Variants in SPAG16 observed in about 807,000 individuals in gnomAD.
SPAG16 encodes the protein sperm associated antigen 16, also known as sperm-associated antigen 16 protein.
A neutral mutation model predicts 80.4 loss-of-function variants in SPAG16; 86 were observed. The ratio of observed to expected loss-of-function variants is 1.07; its 90% CI spans 0.90 to 1.28. The LOEUF is 1.28. Among genes scored for constraint, SPAG16 ranks in the 50% most tolerant of loss-of-function variants. SPAG16 has a pLI of 0.00. For synonymous variants in SPAG16, 294 were observed against 265.9 expected (o/e 1.11, Z -1.03); for missense variants, 870 against 765.3 (o/e 1.14, Z -1.61).
At chr2:214,047,281 A>G (rs1015695978) in intron 13 of SPAG16, among the ~76,000 whole-genome samples, 1 of 152,194 alleles carries the variant, frequency 6.6e-6, no homozygotes, top group Non-Finnish European at 1.5e-5. Context: ...CCTGACTTCA[A>G]ATTATGCTCC....
chr2:213,705,418 T>A (rs1444930775), intron 10 of SPAG16, among the ~76,000 whole-genome samples: 1 of 152,156 alleles, frequency 6.6e-6, no homozygotes, highest in African/African-American at 2.4e-5. Flanking sequence ...TTGGATGAGA[T>A]GGTTGCTAAA....
chr2:213,924,406 G>A (rs1015899098), intron 11 of SPAG16, among the ~76,000 whole-genome samples: 2 of 152,058 alleles, frequency 1.3e-5, no homozygotes, highest in Non-Finnish European at 2.9e-5. Flanking sequence ...GTTCTTCTGC[G>A]CCACATTGAT....
intron 15 of SPAG16, among the ~76,000 whole-genome samples, chr2:214,174,057 G>C (rs945290637): frequency 4.6e-5 from 7 of 151,978 alleles, no homozygotes; most frequent in Admixed American, 2.0e-4. Flanking sequence ...AATAAATACG[G>C]TATTGATGGG....
intron 15 of SPAG16, among the ~76,000 whole-genome samples, chr2:214,193,355 T>C (rs923484608): frequency 6.6e-6 from 1 of 151,318 alleles, no homozygotes; most frequent in Non-Finnish European, 1.5e-5. Flanking sequence ...TTAAGAGCTT[T>C]TGCTAAAATT....
intron 10 of SPAG16, among the ~76,000 whole-genome samples, chr2:213,850,145 C>A (rs970628124): frequency 6.6e-6 from 1 of 152,084 alleles, no homozygotes; most frequent in Admixed American, 6.5e-5. Context: ...TTGGAGTTTA[C>A]AAATTTCCTT....
chr2:214,114,397 T>C (rs1442798708), intron 14 of SPAG16, among the ~76,000 whole-genome samples: 2 of 152,232 alleles, frequency 1.3e-5, no homozygotes, highest in East Asian at 1.9e-4. Flanking sequence ...TCTGCAGAAG[T>C]TGTCTGCTGC....
chr2:214,134,125 G>A (rs2054924599), intron 14 of SPAG16, among the ~76,000 whole-genome samples: 1 of 152,190 alleles, frequency 6.6e-6, no homozygotes, highest in East Asian at 1.9e-4. Flanking sequence ...ACGACTCATA[G>A]TTTCTGACTG....
intron 15 of SPAG16, among the ~76,000 whole-genome samples, chr2:214,318,974 T>C (rs902618832): frequency 3.3e-5 from 5 of 152,170 alleles, no homozygotes; most frequent in African/African-American, 4.8e-5. Flanking sequence ...ACTTTTTACG[T>C]TATTTCTTCT....
In SPAG16 at chr2:213,983,769, G is replaced by C. The variant is rs145185572; in HGVS notation, c.1401-30182G>C. On this transcript the variant is annotated intron_variant, in intron 12 of 15. Coordinates refer to ENST00000331683, the MANE Select transcript of SPAG16 (RefSeq NM_024532.5). The stretch of plus-strand genomic sequence containing the variant: ...TATGTATTGTGTACCATCACAATAG[G>C]GGGTGTTGAAGAAGCCCATTACCTA... 2.5e-3 allele frequency among the ~76,000 whole-genome samples: 375 copies of C among 152,054 alleles called. 1 individual carries two copies. Among genetic ancestry groups the C allele is most frequent in the Non-Finnish European group, 4.5e-3 (309 of 67,934 alleles).
At chr2:213,416,281 G>GTC (rs1314597248) in intron 9 of SPAG16, among the ~76,000 whole-genome samples, 6 of 152,210 alleles carry the variant, frequency 3.9e-5, no homozygotes, top group African/African-American at 1.2e-4. Context: ...CATATGCATT[G>GTC]TCTGTGAGCT....
At chr2:213,479,432 T>G (rs75432701) in intron 9 of SPAG16, among the ~76,000 whole-genome samples, 3,533 of 152,268 alleles carry the variant, frequency 0.023, 57 homozygotes, top group South Asian at 0.038. Context: ...CAATATATTA[T>G]AAGCTACATG....
chr2:213,996,497 G>A (rs1406434697), intron 12 of SPAG16, among the ~76,000 whole-genome samples: 1 of 151,656 alleles, frequency 6.6e-6, no homozygotes, highest in Non-Finnish European at 1.5e-5. Flanking sequence ...ATATATCTTG[G>A]CCATTGAATC....
At chr2:214,372,823 A>G (rs1187973908) in intron 15 of SPAG16, among the ~76,000 whole-genome samples, 1 of 152,148 alleles carries the variant, frequency 6.6e-6, no homozygotes, top group Non-Finnish European at 1.5e-5. Flanking sequence ...ATCACTGTTC[A>G]CTTCCCCCCA....
intron 9 of SPAG16, among the ~76,000 whole-genome samples, chr2:213,486,017 T>C (rs1398770592): frequency 6.6e-6 from 1 of 152,166 alleles, no homozygotes; most frequent in Non-Finnish European, 1.5e-5. Flanking sequence ...ATTTGTAAAG[T>C]TCACATCAGT....
At chr2:213,336,415 C>T (rs2124919863) in intron 5 of SPAG16, among the ~76,000 whole-genome samples, 1 of 152,334 alleles carries the variant, frequency 6.6e-6, no homozygotes, top group Middle Eastern at 3.4e-3. Flanking sequence ...CAGAACCCCA[C>T]AAGCTAAAAC....
chr2:213,329,464 C>T (rs2063991373), intron 5 of SPAG16, among the ~76,000 whole-genome samples: 1 of 152,138 alleles, frequency 6.6e-6, no homozygotes, highest in Admixed American at 6.5e-5. Flanking sequence ...TGATATTTTG[C>T]CCCTGTCCTA....
chr2:214,386,204 A>G (rs575694410), intron 15 of SPAG16, among the ~76,000 whole-genome samples: 1 of 151,982 alleles, frequency 6.6e-6, no homozygotes, highest in Non-Finnish European at 1.5e-5. Context: ...GTGAAACCCC[A>G]TATCTACAAA....
At chr2:213,325,555 C>A (rs1273297624) in intron 5 of SPAG16, among the ~76,000 whole-genome samples, 1 of 151,704 alleles carries the variant, frequency 6.6e-6, no homozygotes, top group South Asian at 2.1e-4. Flanking sequence ...TCCACAGACA[C>A]GGGTGATGTA....
chr2:213,365,041 ATCCACCC>A, intron 8 of SPAG16: 1 of 152,210 alleles, frequency 6.6e-6, no homozygotes. Context: ...CTTTCCATGG[ATCCACCC>A]TAACGAAGCA....
Sources: allele counts gnomAD v4.1 joint callset (sites outside exome capture counted in the v4.1 genomes callset), GRCh38; gene constraint gnomAD v4.1.1; transcripts MANE v1.5; gene names NCBI Gene and HGNC (gene_info 2026-07-23, HGNC 2026-07-21).